KIF6: variants seen among roughly 807,000 people sequenced by gnomAD.
KIF6 encodes the protein kinesin-like protein KIF6.
A neutral mutation model predicts 112.7 loss-of-function variants in KIF6; 106 were observed. That is an observed-to-expected ratio of 0.94 (90% CI 0.80 to 1.11). The LOEUF (loss-of-function observed/expected upper bound fraction) is 1.11. Among genes scored for constraint, KIF6 ranks in the 50% least tolerant of loss-of-function variants. KIF6 has a pLI of 0.00. For synonymous variants in KIF6, 339 were observed against 339.9 expected (o/e 1.00, Z 0.03); for missense variants, 929 against 964.0 (o/e 0.96, Z 0.48).
intron 3 of KIF6, among the ~76,000 whole-genome samples, chr6:39,677,258 A>G (rs1345373807): frequency 6.6e-6 from 1 of 152,094 alleles, no homozygotes; most frequent in Non-Finnish European, 1.5e-5. Context: ...GATTTTCAGG[A>G]AGGTGAAACA....
chr6:39,684,403 G>A (rs922765545), intron 3 of KIF6, among the ~76,000 whole-genome samples: 5 of 152,016 alleles, frequency 3.3e-5, no homozygotes, highest in African/African-American at 1.2e-4. Context: ...ATCACCTGAG[G>A]TTGGGAGTTC....
intron 13 of KIF6, among the ~76,000 whole-genome samples, chr6:39,460,632 C>T (rs941796482): frequency 1.4e-5 from 2 of 144,798 alleles, no homozygotes; most frequent in Admixed American, 6.9e-5. Flanking sequence ...AGTATACTTT[C>T]TGATAACAAC....
In KIF6 at chr6:39,540,133, C is replaced by A. The variant is rs774425641; in HGVS notation, c.1515G>T (p.Gln505His). 1 of 1,614,180 alleles carries A rather than the reference C, an allele frequency of 6.2e-7. No individual in the cohort carries two copies. The highest frequency in any genetic ancestry group is 8.5e-7 in the Non-Finnish European group (1 of 1,180,006). The change falls in exon 13 of 23, where the codon CAG becomes CAT. Residue 505 changes from glutamine to histidine, a missense_variant. Coordinates refer to ENST00000287152, the MANE Select transcript of KIF6 (RefSeq NM_145027.6). ...CTAGGCGGAAGGGTGGGCTCTGGGA[C>A]TGTCTGAATTCACGTCTATCCATGC... ...LAGMDRREFR[Q>H]SQSPPFRLGN...
chr6:39,515,616 A>G (rs1777040660), intron 13 of KIF6, among the ~76,000 whole-genome samples: 1 of 152,222 alleles, frequency 6.6e-6, no homozygotes, highest in Non-Finnish European at 1.5e-5. Context: ...CTTATATAGT[A>G]TGTCTGGTGT....
At position 39,639,651 on chromosome 6, in the gene KIF6, T is replaced by A; in HGVS notation, c.358A>T (p.Ile120Phe). ...GAERYSDRGIIPRTLSYIFEQ... is the reference protein window; with the variant it reads ...GAERYSDRGIFPRTLSYIFEQ... ...AAAATGTATGACAGTGTCCTTGGGA[T>A]AATGCCTCTGTCACTGTAACGCTCT... Residue 120 changes from isoleucine to phenylalanine, a missense_variant, in exon 4 of 23, where the codon ATC (isoleucine) becomes TTC (phenylalanine). Physicochemically the swap from Ile to Phe is conservative, Grantham distance 21. Coordinates refer to ENST00000287152, the MANE Select transcript of KIF6 (RefSeq NM_145027.6). The A allele has an allele frequency of 1.2e-6, 2 of 1,607,808 alleles. No homozygotes were observed. The highest frequency in any genetic ancestry group is 1.7e-6 in the Non-Finnish European group (2 of 1,177,582).
Position 39,584,417 on chromosome 6 carries a change from T to TACAAAAAAAAAAAAAAAAAAAAAAAAAAA in KIF6, c.1077+480_1077+481insTTTTTTTTTTTTTTTTTTTTTTTTTTTGT, listed in dbSNP as rs1481333003. ...TCCAGCCTGAGCAAGACTCTGTCTCTAAAAAAAAAAAAAAAAAAAAAAAAA... is the reference window on the plus strand; with the variant it reads ...TCCAGCCTGAGCAAGACTCTGTCTCTACAAAAAAAAAAAAAAAAAAAAAAAAAAAAAAAAAAAAAAAAAAAAAAAAAAAA... On this transcript the variant is annotated intron_variant, in intron 9 of 22. Coordinates refer to ENST00000287152, the MANE Select transcript of KIF6 (RefSeq NM_145027.6). Among the ~76,000 whole-genome samples the TACAAAAAAAAAAAAAAAAAAAAAAAAAAA allele has an allele frequency of 1.5e-4, 7 of 46,064 alleles. 2 individuals are homozygous for TACAAAAAAAAAAAAAAAAAAAAAAAAAAA. The highest frequency in any genetic ancestry group is 3.1e-4 in the Non-Finnish European group (5 of 16,118). The allele number at this position is 46,064 out of a possible 152,430, so 30.2% of individuals were successfully genotyped here.
At chr6:39,416,234 TA>T (rs1562194005) in intron 15 of KIF6, among the ~76,000 whole-genome samples, 1 of 152,206 alleles carries the variant, frequency 6.6e-6, no homozygotes, top group Non-Finnish European at 1.5e-5. Context: ...AGTGATGATG[TA>T]AAAAAACTAA....
chr6:39,555,789 C>A (rs1462985098), intron 10 of KIF6, among the ~76,000 whole-genome samples: 1 of 151,658 alleles, frequency 6.6e-6, no homozygotes, highest in Admixed American at 6.6e-5. Context: ...CCCGTCTCTA[C>A]TAAAAATACA....
chr6:39,595,677 T>A (rs1236558236), intron 7 of KIF6, among the ~76,000 whole-genome samples: 1 of 152,174 alleles, frequency 6.6e-6, no homozygotes, highest in Non-Finnish European at 1.5e-5. Flanking sequence ...CTTGAAAACA[T>A]TATGCTAAGT....
intron 13 of KIF6, among the ~76,000 whole-genome samples, chr6:39,527,500 G>T (rs929197509): frequency 6.6e-6 from 1 of 151,798 alleles, no homozygotes; most frequent in Non-Finnish European, 1.5e-5. Flanking sequence ...TGCTTTGGTG[G>T]TTCTCTTACA....
At chr6:39,393,331 G>A (rs1189787393) in intron 15 of KIF6, among the ~76,000 whole-genome samples, 1 of 152,218 alleles carries the variant, frequency 6.6e-6, no homozygotes, top group East Asian at 1.9e-4. Flanking sequence ...GCCACTTACT[G>A]TGTAACCTCC....
chr6:39,524,152 AAGAGAGAGAG>A (rs59374171), intron 13 of KIF6, among the ~76,000 whole-genome samples: 2 of 149,440 alleles, frequency 1.3e-5, no homozygotes, highest in African/African-American at 4.9e-5. Context: ...GTGTGTGTGA[AAGAGAGAGAG>A]AGAGAGAGAG....
rs555370903 is a variant in KIF6 at position 39,576,748 on chromosome 6, G to C, written c.1181+1308C>G. On this transcript the variant is annotated intron_variant, in intron 10 of 22. Transcript: ENST00000287152. ...TCCCTGCAATCCTAGGGGCATAGAA[G>C]CTCCTGCTGTTACTGATCTCTGGGG... Among the ~76,000 whole-genome samples the C allele has an allele frequency of 2.0e-5, 3 of 152,296 alleles. No homozygotes were observed. In the South Asian group the frequency reaches 6.2e-4, roughly 32 times the overall value.
intron 3 of KIF6, among the ~76,000 whole-genome samples, chr6:39,711,589 T>C (rs1789563118): frequency 6.6e-6 from 1 of 152,080 alleles, no homozygotes; most frequent in African/African-American, 2.4e-5. Flanking sequence ...CCCAGGCTGG[T>C]CTTGAACTCC....
At chr6:39,688,430 G>T (rs996099535) in intron 3 of KIF6, among the ~76,000 whole-genome samples, 1 of 152,104 alleles carries the variant, frequency 6.6e-6, no homozygotes, top group Non-Finnish European at 1.5e-5. Context: ...TCGCTGTAAT[G>T]AATGTAATTA....
At chr6:39,404,930 G>A (rs1768980727) in intron 15 of KIF6, among the ~76,000 whole-genome samples, 1 of 150,180 alleles carries the variant, frequency 6.7e-6, no homozygotes, top group African/African-American at 2.4e-5. Context: ...GTATTTTTTG[G>A]AATTACTATA....
chr6:39,347,322 C>T (rs574453452), intron 19 of KIF6, among the ~76,000 whole-genome samples: 1 of 152,294 alleles, frequency 6.6e-6, no homozygotes, highest in African/African-American at 2.4e-5. Flanking sequence ...ACTGCCTGCC[C>T]CTGGGACCTA....
chr6:39,672,502 AT>A (rs1786882871), intron 3 of KIF6, among the ~76,000 whole-genome samples: 1 of 152,232 alleles, frequency 6.6e-6, no homozygotes, highest in Non-Finnish European at 1.5e-5. Flanking sequence ...ACTTTTCAGA[AT>A]TCTTTTCAGA....
chr6:39,431,769 C>T (rs1771172694), intron 13 of KIF6, among the ~76,000 whole-genome samples: 1 of 152,032 alleles, frequency 6.6e-6, no homozygotes, highest in Non-Finnish European at 1.5e-5. Flanking sequence ...ATCGCCTTTG[C>T]CAATAAAGGC....
Sources: allele counts gnomAD v4.1 joint callset (sites outside exome capture counted in the v4.1 genomes callset), GRCh38; gene constraint gnomAD v4.1.1; transcripts MANE v1.5; gene names NCBI Gene and HGNC (gene_info 2026-07-23, HGNC 2026-07-21).